The following CREBRF variants were observed in gnomAD, a reference collection of about 807,000 sequenced individuals.
CREBRF encodes the protein CREB3 regulatory factor.
Under a neutral mutation model 66.1 loss-of-function variants are expected in CREBRF, and 5 were observed. The ratio of observed to expected loss-of-function variants is 0.08; its 90% CI spans 0.04 to 0.16. CREBRF has a LOEUF of 0.16. CREBRF is among the 10% of genes least tolerant of loss of function. The pLI is 1.00. For synonymous variants in CREBRF, 229 were observed against 264.4 expected, an observed-to-expected ratio of 0.87 and a Z score of 1.30; for missense variants, 531 against 744.9, an observed-to-expected ratio of 0.71 and a Z score of 3.34.
At chr5:173,078,261 C>G (rs1452758722) in intron 1 of CREBRF, among the ~76,000 whole-genome samples, 1 of 152,044 alleles carries the variant, frequency 6.6e-6, no homozygotes, top group Admixed American at 6.6e-5. Context: ...ATTGGTGTGT[C>G]AAAAATGTTT....
intron 4 of CREBRF, among the ~76,000 whole-genome samples, chr5:173,100,131 A>T (rs867734361): frequency 0.034 from 1,411 of 41,728 alleles, no homozygotes; most frequent in Middle Eastern, 0.086. Flanking sequence ...TATATATATA[A>T]TTTTTTTTTT....
At chr5:173,070,231 T>A (rs1757557538) in intron 1 of CREBRF, among the ~76,000 whole-genome samples, 1 of 152,132 alleles carries the variant, frequency 6.6e-6, no homozygotes, top group Non-Finnish European at 1.5e-5. Flanking sequence ...AAATCCTTGC[T>A]AACAACAGCA....
At chr5:173,098,453 A>G (rs547273353) in intron 4 of CREBRF, among the ~76,000 whole-genome samples, 8 of 152,328 alleles carry the variant, frequency 5.3e-5, no homozygotes, top group African/African-American at 1.9e-4. Flanking sequence ...TACAGTTGCC[A>G]AAATATCATA....
Position 173,138,502 on chromosome 5 carries a change from C to T in CREBRF, c.*4757C>T, listed in dbSNP as rs925976796. On this transcript the variant is annotated 3_prime_UTR_variant, in exon 9 of 9. Coordinates refer to ENST00000296953, the MANE Select transcript of CREBRF (RefSeq NM_153607.3). ...TGGAGGTAGTAGTGAGGGGACAGAG[C>T]CTTAAAACTACTTCCAAACAGTATT... 5.9e-5 allele frequency: 9 copies of T among 152,044 alleles called. No homozygotes were observed. The highest frequency in any genetic ancestry group is 1.3e-4 in the Admixed American group (2 of 15,246). 9.4% of individuals were successfully genotyped at this position (152,044 alleles called of 1,614,324 possible).
intron 7 of CREBRF, among the ~76,000 whole-genome samples, chr5:173,116,381 A>G (rs1418053032): frequency 1.3e-5 from 2 of 152,182 alleles, no homozygotes; most frequent in African/African-American, 4.8e-5. Context: ...TTTGTAAGTC[A>G]TTCTGCTCTC....
chr5:173,097,892 T>C (rs910529122), intron 4 of CREBRF, among the ~76,000 whole-genome samples: 3 of 152,124 alleles, frequency 2.0e-5, no homozygotes, highest in African/African-American at 7.2e-5. Context: ...CTCTGATCTT[T>C]GTTATTTTCT....
In CREBRF at chr5:173,138,580, A is replaced by G. The variant is rs1050080747; in HGVS notation, c.*4835A>G. On this transcript the variant is annotated 3_prime_UTR_variant, in exon 9 of 9. Coordinates refer to ENST00000296953, the MANE Select transcript of CREBRF (RefSeq NM_153607.3). ...AAGAACATCAAAGTTGGGTATTTCA[A>G]TGTGCCAAGTTTGGGTGAACTAGGT... 2.0e-5 allele frequency: 3 copies of G among 152,196 alleles called. No homozygotes were observed. Among genetic ancestry groups the G allele is most frequent in the Admixed American group, 6.5e-5 (1 of 15,268 alleles). 9.4% of individuals were successfully genotyped at this position (152,196 alleles called of 1,614,324 possible).
chr5:173,080,227 GAT>G (rs1398761232), intron 1 of CREBRF, among the ~76,000 whole-genome samples: 1 of 151,842 alleles, frequency 6.6e-6, no homozygotes, highest in African/African-American at 2.4e-5. Flanking sequence ...TAAATTTTGA[GAT>G]ATGTTTTCTC....
rs149825295 is a variant in CREBRF at position 173,135,265 on chromosome 5, CTTAT to C, written c.*1522_*1525del. On this transcript the variant is annotated 3_prime_UTR_variant, in exon 9 of 9. Transcript: ENST00000296953. ...TAGCTTCTTCAAACTTAACATGTGA[CTTAT>C]TCTTCTATAGTTTCTAGAATTGAGA... The C allele has an allele frequency of 5.6e-4, 86 of 152,544 alleles. 1 individual carries two copies. In the East Asian group the frequency reaches 8.7e-3, roughly 15 times the overall value. 9.4% of individuals were successfully genotyped at this position (152,544 alleles called of 1,614,324 possible).
chr5:173,067,331 A>G (rs147418264), intron 1 of CREBRF, among the ~76,000 whole-genome samples: 7 of 152,338 alleles, frequency 4.6e-5, no homozygotes, highest in African/African-American at 1.7e-4. Flanking sequence ...TGAACACCCA[A>G]CATTCATAAA....
At chr5:173,076,040 A>G (rs1300620511) in intron 1 of CREBRF, among the ~76,000 whole-genome samples, 3 of 142,778 alleles carry the variant, frequency 2.1e-5, no homozygotes, top group South Asian at 2.3e-4. Context: ...GGGCAACATA[A>G]TAAGACCCCA....
chr5:173,090,174 T>G lies in CREBRF; in HGVS notation c.136-141T>G. 1 of 550,938 alleles carries G rather than the reference T, an allele frequency of 1.8e-6. No homozygotes were observed. The highest frequency in any genetic ancestry group is 3.2e-6 in the Non-Finnish European group (1 of 315,418). 34.1% of individuals were successfully genotyped at this position (550,938 alleles called of 1,614,324 possible). ...TGCCTAAGGAAATGATGACATTATA[T>G]GAAATGATAAAGCGTCCTGTCAGTA... On this transcript the variant is annotated intron_variant, in intron 3 of 8. Coordinates refer to ENST00000296953, the MANE Select transcript of CREBRF (RefSeq NM_153607.3). The surrounding 1 kb of genome is among the most constrained non-coding windows in gnomAD (Gnocchi z 4.5).
At position 173,138,314 on chromosome 5, in the gene CREBRF, G is replaced by C. The variant is rs916176589; in HGVS notation, c.*4569G>C. 3 of 152,112 alleles carry C rather than the reference G, an allele frequency of 2.0e-5. No individual in the cohort carries two copies. The highest frequency in any genetic ancestry group is 7.2e-5 in the African/African-American group (3 of 41,426). 9.4% of individuals were successfully genotyped at this position (152,112 alleles called of 1,614,324 possible). A position where few individuals can be genotyped will look rare whatever the true frequency, so the allele number is the denominator to read the frequency against. On this transcript the variant is annotated 3_prime_UTR_variant, in exon 9 of 9. Transcript: ENST00000296953. ...TTCGTTTTAAGGAATAAGCATGTTG[G>C]GGAAAGATGATGAAAATGTACTACT...
chr5:173,117,557 T>TCCTCTCTCCCTCCCTC (rs1554126345), intron 7 of CREBRF, among the ~76,000 whole-genome samples: 1,523 of 21,320 alleles, frequency 0.071, 99 homozygotes, highest in Middle Eastern at 0.1. Flanking sequence ...CCTCCCCTCT[T>TCCTCTCTCCCTCCCTC]CCTCCCTCCC....
At chr5:173,117,538 T>G in intron 7 of CREBRF, among the ~76,000 whole-genome samples, 1 of 33,884 alleles carries the variant, frequency 3.0e-5, no homozygotes, top group East Asian at 6.5e-4. Context: ...CCCTCTCCTC[T>G]TCCCTTCCCC....
At position 173,110,407 on chromosome 5, in the gene CREBRF, A is replaced by G. The variant is rs543124968; in HGVS notation, c.1418-115A>G. 2.8e-4 allele frequency: 221 copies of G among 789,348 alleles called. 1 individual carries two copies. Among genetic ancestry groups the G allele is most frequent in the South Asian group, 5.6e-4 (40 of 70,928 alleles). 48.9% of individuals were successfully genotyped at this position (789,348 alleles called of 1,614,324 possible). On this transcript the variant is annotated intron_variant, in intron 5 of 8. Coordinates refer to ENST00000296953, the MANE Select transcript of CREBRF (RefSeq NM_153607.3). Reference sequence around the variant, plus strand: ...CATGCTAAGACTTCTGAAACATGCCAAGACTTCTGAAAAGAAAAGGTAGTG... The same window carrying G: ...CATGCTAAGACTTCTGAAACATGCCGAGACTTCTGAAAAGAAAAGGTAGTG...
intron 8 of CREBRF, among the ~76,000 whole-genome samples, chr5:173,127,090 T>TAAC (rs1324861329): frequency 6.6e-6 from 1 of 151,782 alleles, no homozygotes; most frequent in South Asian, 2.1e-4. Context: ...AAAACAACAA[T>TAAC]AACAACAACT....
At chr5:173,095,532 A>G (rs1216749636) in intron 4 of CREBRF, among the ~76,000 whole-genome samples, 1 of 152,094 alleles carries the variant, frequency 6.6e-6, no homozygotes, top group Non-Finnish European at 1.5e-5. Context: ...ATCAGATAAT[A>G]TGATGCCTCC....
At chr5:173,082,014 T>TTTGTTTTTTTTTTTTTTG (rs1554123742) in intron 2 of CREBRF, among the ~76,000 whole-genome samples, 9 of 113,784 alleles carry the variant, frequency 7.9e-5, no homozygotes, top group African/African-American at 2.9e-4. Context: ...TTTTTTTTTT[T>TTTGTTTTTTTTTTTTTTG]TTTTTTTTTT....
Sources: gnomAD v4.1 joint callset for allele counts (sites outside exome capture counted in the v4.1 genomes callset) on GRCh38, gnomAD v4.1.1 for gene constraint, Gnocchi (gnomAD v3.1) non-coding constraint, MANE v1.5 for transcripts, NCBI Gene and HGNC (gene_info 2026-07-23, HGNC 2026-07-21) for gene names.